MRAP2: variants seen among roughly 807,000 people sequenced by gnomAD.
MRAP2 encodes melanocortin-2 receptor accessory protein 2.
Under a neutral mutation model 17.4 loss-of-function variants are expected in MRAP2, and 20 were observed. The ratio of observed to expected loss-of-function variants is 1.15; its 90% CI spans 0.81 to 1.67. The LOEUF is 1.67. Ranked by LOEUF, MRAP2 falls within the 40% of genes most tolerant of loss-of-function variation. The probability of loss-of-function intolerance (pLI) is 0.00; values close to 1 mark genes in which losing one functional copy is unlikely to be tolerated. For missense variants in MRAP2, 238 were observed against 240.0 expected (o/e 0.99, Z 0.05); for synonymous variants, 96 against 88.4 (o/e 1.09, Z -0.48).
At chr6:84,128,232 G>A in the MRAP2 span, among the ~76,000 whole-genome samples, 3 of 152,066 alleles carry the variant, frequency 2.0e-5, no homozygotes, top group Non-Finnish European at 4.4e-5. Context: ...GACAAATAGA[G>A]AAAATTTCCT....
At chr6:84,073,242 G>A (rs906456767) in intron 3 of MRAP2, among the ~76,000 whole-genome samples, 3 of 152,136 alleles carry the variant, frequency 2.0e-5, no homozygotes, top group Non-Finnish European at 4.4e-5. Context: ...TGGACCCAGC[G>A]AGCGCCCAGG....
At chr6:84,073,550 G>A (rs1467195023) in intron 3 of MRAP2, among the ~76,000 whole-genome samples, 1 of 152,158 alleles carries the variant, frequency 6.6e-6, no homozygotes, top group African/African-American at 2.4e-5. Flanking sequence ...GTGAGCCTCT[G>A]CACACTGCTC....
At chr6:84,130,656 T>C in the MRAP2 span, among the ~76,000 whole-genome samples, 14 of 152,220 alleles carry the variant, frequency 9.2e-5, no homozygotes, top group African/African-American at 2.2e-4. Context: ...GAGGTGTTTA[T>C]AGTATTCTCT....
chr6:84,058,563 G>A (rs557265328), intron 2 of MRAP2, among the ~76,000 whole-genome samples: 14 of 152,208 alleles, frequency 9.2e-5, no homozygotes, highest in Admixed American at 5.9e-4. Flanking sequence ...GAGAGGTGTC[G>A]GGGGAAGCCG....
the MRAP2 span, among the ~76,000 whole-genome samples, chr6:84,116,309 C>A: frequency 6.6e-6 from 1 of 152,058 alleles, no homozygotes; most frequent in African/African-American, 2.4e-5. Flanking sequence ...AAGGGTGATA[C>A]TTTCCAGTGC....
Position 84,045,698 on chromosome 6 carries a change from G to T in MRAP2, c.-7-9614G>T, listed in dbSNP as rs1468809923. Among the ~76,000 whole-genome samples, 3 of 152,230 alleles carry T rather than the reference G, an allele frequency of 2.0e-5. No individual in the cohort carries two copies. In the East Asian group the frequency reaches 5.8e-4, roughly 29 times the overall value. On this transcript the variant is annotated intron_variant, in intron 1 of 3. Transcript: ENST00000257776. ...GAATGGCTTGAACCCAGGAGGCAGA[G>T]GTTGCATTGAGCTGAGATCACGCCA...
At chr6:84,033,742 C>G, upstream of MRAP2, 2 of 985,494 alleles carry the variant, frequency 2.0e-6, no homozygotes, top group Non-Finnish European at 2.4e-6. Context: ...CGGGAGCGCG[C>G]GTCTCCGCCG....
At chr6:84,034,006 G>A in intron 1 of MRAP2, 123 bp downstream of exon 1, 1 of 775,154 alleles carries the variant, frequency 1.3e-6, no homozygotes, top group Non-Finnish European at 1.6e-6. Context: ...AGTTTAGAGG[G>A]GCTAGAGAAT....
chr6:84,064,835 G>A (rs1291926890), intron 3 of MRAP2, among the ~76,000 whole-genome samples: 1 of 152,296 alleles, frequency 6.6e-6, no homozygotes, highest in Non-Finnish European at 1.5e-5. Context: ...CTCACAGCCT[G>A]GCAGCAGCTC....
the MRAP2 span, among the ~76,000 whole-genome samples, chr6:84,100,423 C>A: frequency 6.6e-6 from 1 of 151,898 alleles, no homozygotes. Context: ...GCCACCACAC[C>A]TACCTAATTT....
At chr6:84,041,985 G>T (rs187948861) in intron 1 of MRAP2, among the ~76,000 whole-genome samples, 111 of 152,268 alleles carry the variant, frequency 7.3e-4, no homozygotes, top group Non-Finnish European at 1.3e-4. Context: ...TAATGATATG[G>T]TTAGGTTTTG....
At chr6:84,099,304 C>T in the MRAP2 span, among the ~76,000 whole-genome samples, 2 of 149,824 alleles carry the variant, frequency 1.3e-5, no homozygotes, top group African/African-American at 4.9e-5. Context: ...TATGTGTTGG[C>T]TTTATTTATT....
chr6:84,099,213 A>G, the MRAP2 span, among the ~76,000 whole-genome samples: 1 of 149,914 alleles, frequency 6.7e-6, no homozygotes, highest in Admixed American at 6.7e-5. Context: ...TGGATATCTA[A>G]TCGTTCCAGC....
At chr6:84,126,547 A>C in the MRAP2 span, 2 of 1,400,384 alleles carry the variant, frequency 1.4e-6, no homozygotes, top group Non-Finnish European at 1.9e-6. Flanking sequence ...GAAAAACTAT[A>C]ATCACAAGAA....
intron 3 of MRAP2, among the ~76,000 whole-genome samples, chr6:84,075,314 A>G (rs903748011): frequency 2.6e-5 from 4 of 152,314 alleles, no homozygotes; most frequent in Admixed American, 6.5e-5. Flanking sequence ...AGAGGCAGGT[A>G]TTGGTGAGCA....
the MRAP2 span, among the ~76,000 whole-genome samples, chr6:84,106,245 T>C: frequency 6.6e-6 from 1 of 152,214 alleles, no homozygotes; most frequent in African/African-American, 2.4e-5. Flanking sequence ...TCAGTAGCAG[T>C]GCTTTGTGGA....
Position 84,055,362 on chromosome 6 carries a change from C to T in MRAP2, c.44C>T (p.Ser15Leu), listed in dbSNP as rs760845706. Residue 15 changes from serine (S) to leucine (L), a missense_variant, in exon 2 of 4, where the codon TCG becomes TTG. Ser to Leu is a moderately radical substitution (Grantham distance 145, BLOSUM62 -2). Transcript: ENST00000257776. ...ATTTCTAACAGAACCTCCCAGCAAT[C>T]GGCATCTAATTCTGATTACACCTGG... The part of the protein sequence containing the change: ...RLISNRTSQQ[S>L]ASNSDYTWEY... 46 of 1,613,592 alleles carry T rather than the reference C, an allele frequency of 2.9e-5. No homozygotes were observed. Among genetic ancestry groups the T allele is most frequent in the Admixed American group, 1.8e-4 (11 of 59,892 alleles).
chr6:84,137,861 T>C, the MRAP2 span, among the ~76,000 whole-genome samples: 1 of 152,178 alleles, frequency 6.6e-6, no homozygotes, highest in Non-Finnish European at 1.5e-5. Context: ...ATGCCTGAGT[T>C]AGCATCAACG....
At chr6:84,051,787 A>G (rs1000350752) in intron 1 of MRAP2, among the ~76,000 whole-genome samples, 5 of 152,170 alleles carry the variant, frequency 3.3e-5, no homozygotes, top group Non-Finnish European at 5.9e-5. Context: ...GGGTTGGAGC[A>G]GGAAAGATTG....
Sources: gnomAD v4.1 joint callset for allele counts (sites outside exome capture counted in the v4.1 genomes callset) on GRCh38, gnomAD v4.1.1 for gene constraint, MANE v1.5 for transcripts, NCBI Gene and HGNC (gene_info 2026-07-23, HGNC 2026-07-21) for gene names.